The following TCERG1 variants were observed in gnomAD, a reference collection of about 807,000 sequenced individuals.
The protein encoded by TCERG1 is TATA box binding protein (TBP)-associated factor, RNA polymerase II, S, 150kD.
In TCERG1, 37 loss-of-function variants were observed where a neutral mutation model predicts 144.7. That is an observed-to-expected ratio of 0.26 (90% CI 0.20 to 0.34). The LOEUF (loss-of-function observed/expected upper bound fraction) is 0.34, where lower values mean the gene tolerates loss of function less well. Among genes scored for constraint, TCERG1 ranks in the 10% least tolerant of loss-of-function variants. The pLI is 1.00. For missense variants in TCERG1, 1,027 were observed against 1,380.7 expected (o/e 0.74, Z 4.06); for synonymous variants, 492 against 458.2 (o/e 1.07, Z -0.94).
At chr5:146,501,883 T>C (rs1046735500) in intron 17 of TCERG1, among the ~76,000 whole-genome samples, 1 of 141,950 alleles carries the variant, frequency 7.0e-6, no homozygotes, top group Non-Finnish European at 1.5e-5. Context: ...GAACATCAAC[T>C]TCACTTTTTT....
chr5:146,459,434 C>A (rs1386611092), intron 4 of TCERG1, 97 bp downstream of exon 4: 2 of 1,498,324 alleles, frequency 1.3e-6, no homozygotes, highest in East Asian at 4.6e-5. Flanking sequence ...CTGGTATTAT[C>A]CTTTAATACC....
intron 16 of TCERG1, among the ~76,000 whole-genome samples, chr5:146,497,967 T>C (rs897563867): frequency 1.3e-5 from 2 of 152,204 alleles, no homozygotes; most frequent in African/African-American, 4.8e-5. Flanking sequence ...ACCCTCTCTT[T>C]GTAGATTCCT....
intron 10 of TCERG1, 65 bp downstream of exon 10, chr5:146,478,718 G>A: frequency 2.1e-6 from 3 of 1,442,936 alleles, no homozygotes; most frequent in Non-Finnish European, 2.8e-6. Context: ...GATAGAAAAT[G>A]TGGAAGGCAT....
rs752209615 is a variant in TCERG1 at position 146,478,483 on chromosome 5, C to G, written c.1602-10C>G. The G allele has an allele frequency of 6.4e-7, 1 of 1,560,504 alleles. No homozygotes were observed. Among genetic ancestry groups the G allele is most frequent in the East Asian group, 2.3e-5 (1 of 43,742 alleles). ...AACATAAGAGAATGATATTTTGCAT[C>G]AATTCTTAGGTGTGTCGTTTGGACT... On this transcript the variant is annotated splice_polypyrimidine_tract_variant and intron_variant, in intron 9 of 22. Transcript: ENST00000679501.
chr5:146,458,781 A>G (rs1247616120), intron 3 of TCERG1, 103 bp from the exon 4 acceptor site: 13 of 1,464,334 alleles, frequency 8.9e-6, no homozygotes, highest in Non-Finnish European at 1.1e-5. Context: ...GCCTGGCCCT[A>G]CGTTATTTTT....
intron 1 of TCERG1, 148 bp downstream of exon 1, chr5:146,447,556 A>G (rs1761968417): frequency 9.5e-7 from 1 of 1,057,764 alleles, no homozygotes; most frequent in South Asian, 1.5e-5. Flanking sequence ...AGAAGGGGGA[A>G]GGGGAAGGTG....
intron 12 of TCERG1, chr5:146,480,473 C>G (rs575980760): frequency 2.0e-4 from 33 of 162,248 alleles, no homozygotes; most frequent in Non-Finnish European, 4.0e-4. Context: ...GGTTATCTTA[C>G]GACTTACCTA....
At chr5:146,481,485 C>G (rs1459972439) in intron 13 of TCERG1, 1 of 152,158 alleles carries the variant, frequency 6.6e-6, no homozygotes, top group Non-Finnish European at 1.5e-5. Flanking sequence ...AGGTCACGGA[C>G]TATGTCTTCT....
At chr5:146,486,894 G>A (rs1282525268) in intron 15 of TCERG1, among the ~76,000 whole-genome samples, 1 of 152,094 alleles carries the variant, frequency 6.6e-6, no homozygotes, top group Non-Finnish European at 1.5e-5. Context: ...GGCCAACATG[G>A]CGAAACCTCA....
intron 21 of TCERG1, among the ~76,000 whole-genome samples, chr5:146,508,610 A>T (rs1768202172): frequency 6.6e-6 from 1 of 152,208 alleles, no homozygotes; most frequent in South Asian, 2.1e-4. Flanking sequence ...GACTGTTTAG[A>T]ATTGATAATA....
intron 9 of TCERG1, 153 bp from the exon 10 acceptor site, chr5:146,478,340 A>G: frequency 1.4e-6 from 1 of 722,214 alleles, no homozygotes; most frequent in Non-Finnish European, 2.0e-6. Context: ...ATCTTGTAAA[A>G]ACCATGTTTG....
At chr5:146,471,356 A>T in intron 8 of TCERG1, 132 bp from the exon 9 acceptor site, 1 of 755,156 alleles carries the variant, frequency 1.3e-6, no homozygotes, top group South Asian at 2.0e-5. Flanking sequence ...CTTTCTTCCT[A>T]CTCAGAGTCT....
intron 9 of TCERG1, among the ~76,000 whole-genome samples, chr5:146,478,088 A>C (rs1765019280): frequency 6.6e-6 from 1 of 152,204 alleles, no homozygotes; most frequent in South Asian, 2.1e-4. Context: ...TGGTTTGTTA[A>C]GAAATATTAA....
intron 21 of TCERG1, 45 bp downstream of exon 21, chr5:146,508,001 T>G (rs763987157): frequency 7.0e-7 from 1 of 1,436,620 alleles, no homozygotes; most frequent in Non-Finnish European, 9.6e-7. Flanking sequence ...CTATAAATAC[T>G]TAAATCGGGG....
At chr5:146,466,587 C>A (rs1370803504) in intron 5 of TCERG1, among the ~76,000 whole-genome samples, 1 of 151,942 alleles carries the variant, frequency 6.6e-6, no homozygotes, top group Non-Finnish European at 1.5e-5. Context: ...GAAAATTGAA[C>A]AAAAGCTCCC....
At chr5:146,487,061 C>T (rs989462223) in intron 15 of TCERG1, among the ~76,000 whole-genome samples, 1 of 151,296 alleles carries the variant, frequency 6.6e-6, no homozygotes, top group Non-Finnish European at 1.5e-5. Flanking sequence ...TCGCACTCCA[C>T]CCTGGGTGAC....
chr5:146,471,483 T>C lies in TCERG1; in HGVS notation c.1513-5T>C, dbSNP rs185224263. The stretch of plus-strand genomic sequence containing the variant: ...TACTAATTAGAGTAATATCATTTCT[T>C]GTAGGAGCCCAAAGAAGAGGAGATG... On this transcript the variant is annotated splice_region_variant and splice_polypyrimidine_tract_variant and intron_variant, in intron 8 of 22. Transcript: ENST00000679501. 1.4e-4 allele frequency: 225 copies of C among 1,610,396 alleles called. No individual in the cohort carries two copies. In the African/African-American group the frequency reaches 2.2e-3, roughly 16 times the overall value.
At chr5:146,494,391 G>T (rs898296158) in intron 16 of TCERG1, among the ~76,000 whole-genome samples, 3 of 152,072 alleles carry the variant, frequency 2.0e-5, no homozygotes, top group African/African-American at 7.2e-5. Context: ...CTCCATATGG[G>T]TCTGTGAATA....
intron 5 of TCERG1, 125 bp downstream of exon 5, chr5:146,463,918 A>T (rs1218227946): frequency 7.6e-6 from 10 of 1,319,270 alleles, no homozygotes; most frequent in African/African-American, 1.5e-5. Context: ...TTTTTGAAAG[A>T]TTCATGGCTA....
Sources: gnomAD v4.1 joint callset for allele counts (sites outside exome capture counted in the v4.1 genomes callset) on GRCh38, gnomAD v4.1.1 for gene constraint, MANE v1.5 for transcripts, NCBI Gene and HGNC (gene_info 2026-07-23, HGNC 2026-07-21) for gene names.